FGF12: variants seen among roughly 807,000 people sequenced by gnomAD.
FGF12 encodes fibroblast growth factor 12.
Under a neutral mutation model 23.6 loss-of-function variants are expected in FGF12, and 14 were observed. That is an observed-to-expected ratio of 0.59 (90% CI 0.39 to 0.93). The LOEUF is 0.93. Among genes scored for constraint, FGF12 ranks in the 40% least tolerant of loss-of-function variants. The probability of loss-of-function intolerance (pLI) is 0.00; values close to 1 mark genes in which losing one functional copy is unlikely to be tolerated. For synonymous variants in FGF12, 62 were observed against 77.3 expected, an observed-to-expected ratio of 0.80 and a Z score of 1.04; for missense variants, 175 against 217.8, an observed-to-expected ratio of 0.80 and a Z score of 1.24.
chr3:192,188,688 T>G lies in FGF12; in HGVS notation c.229-18032A>C, dbSNP rs909375777. Among the ~76,000 whole-genome samples the G allele has an allele frequency of 3.9e-5, 6 of 152,230 alleles. No homozygotes were observed. The South Asian group carries it at 8.3e-4, about 21-fold the overall frequency. ...AGACACTGAGTTTCAATTTTGCCTG[T>G]GCCATTTATTAGTTGAATGAAAAGC... On this transcript the variant is annotated intron_variant, in intron 4 of 5. Coordinates refer to ENST00000445105, the MANE Select transcript of FGF12 (RefSeq NM_004113.6).
intron 2 of FGF12, among the ~76,000 whole-genome samples, chr3:192,481,390 A>C (rs184046528): frequency 3.3e-5 from 5 of 152,278 alleles, no homozygotes; most frequent in Admixed American, 2.0e-4. Flanking sequence ...TTCAGATTCC[A>C]TTGGGTAGCA....
chr3:192,586,729 G>C (rs768443218), intron 2 of FGF12, among the ~76,000 whole-genome samples: 15 of 152,146 alleles, frequency 9.9e-5, no homozygotes, highest in Non-Finnish European at 1.6e-4. Context: ...TTTGTAGAGA[G>C]GCTTTAGTAA....
chr3:192,566,497 G>T (rs1018708216), intron 2 of FGF12, among the ~76,000 whole-genome samples: 2 of 152,186 alleles, frequency 1.3e-5, no homozygotes, highest in African/African-American at 4.8e-5. Context: ...AAGACTTGGA[G>T]ACTACCTGTG....
chr3:192,527,777 A>C (rs913084992), intron 2 of FGF12, among the ~76,000 whole-genome samples: 1 of 152,228 alleles, frequency 6.6e-6, no homozygotes, highest in African/African-American at 2.4e-5. Flanking sequence ...AATGACTTAT[A>C]GTTCCACGTG....
At chr3:192,401,470 C>T (rs959168186) in intron 2 of FGF12, among the ~76,000 whole-genome samples, 11 of 152,232 alleles carry the variant, frequency 7.2e-5, no homozygotes, top group East Asian at 1.9e-4. Flanking sequence ...TCGTTTTGAC[C>T]TTCTGGATCC....
Position 192,161,048 on chromosome 3 carries a change from C to G in FGF12, c.427+9410G>C, listed in dbSNP as rs147456403. 6.6e-3 allele frequency among the ~76,000 whole-genome samples: 1,006 copies of G among 151,920 alleles called. 4 individuals are homozygous for G. The highest frequency in any genetic ancestry group is 0.034 in the Middle Eastern group (10 of 294). On this transcript the variant is annotated intron_variant, in intron 5 of 5. Transcript: ENST00000445105. ...AAAATCAATGAAACAGAAAATAAAC[C>G]AAGAAAGCTGACGACCACCCTTACC... is the stretch of plus-strand genomic sequence containing the variant.
intron 2 of FGF12, among the ~76,000 whole-genome samples, chr3:192,410,816 G>T (rs1375853088): frequency 6.6e-6 from 1 of 152,118 alleles, no homozygotes; most frequent in Non-Finnish European, 1.5e-5. Flanking sequence ...ATGCAATCAG[G>T]TCTCCAGACG....
chr3:192,263,460 G>A (rs1326730381), intron 4 of FGF12, among the ~76,000 whole-genome samples: 1 of 151,320 alleles, frequency 6.6e-6, no homozygotes. Flanking sequence ...ATTACAATTT[G>A]AGAAGTGCTA....
At chr3:192,305,215 G>A (rs1715557380) in intron 4 of FGF12, among the ~76,000 whole-genome samples, 1 of 151,996 alleles carries the variant, frequency 6.6e-6, no homozygotes, top group African/African-American at 2.4e-5. Context: ...GTATAACACT[G>A]TTTCTCATTG....
At chr3:192,162,835 T>C (rs1164301750) in intron 5 of FGF12, among the ~76,000 whole-genome samples, 1 of 152,112 alleles carries the variant, frequency 6.6e-6, no homozygotes, top group Non-Finnish European at 1.5e-5. Context: ...TTTGAAGGGA[T>C]TGTTATTTTC....
At chr3:192,353,886 A>T (rs1432705548) in intron 3 of FGF12, among the ~76,000 whole-genome samples, 1 of 152,204 alleles carries the variant, frequency 6.6e-6, no homozygotes, top group Admixed American at 6.5e-5. Flanking sequence ...ATTTCTAACA[A>T]ATTTAGAACA....
chr3:192,509,081 T>C (rs2108838353), intron 2 of FGF12, among the ~76,000 whole-genome samples: 1 of 152,214 alleles, frequency 6.6e-6, no homozygotes, highest in South Asian at 2.1e-4. Context: ...TTTGCTAAAT[T>C]GGAAAATGGC....
At chr3:192,578,034 G>A (rs528544768) in intron 2 of FGF12, among the ~76,000 whole-genome samples, 1 of 152,116 alleles carries the variant, frequency 6.6e-6, no homozygotes, top group Admixed American at 6.5e-5. Flanking sequence ...CGGGGGGCAG[G>A]GTATCTAAAA....
chr3:192,167,770 A>ATATATATATATATAT (rs1421281367), intron 5 of FGF12, among the ~76,000 whole-genome samples: 12 of 9,108 alleles, frequency 1.3e-3, no homozygotes, highest in Non-Finnish European at 1.4e-3. Context: ...TATATATATA[A>ATATATATATATATAT]AATTTTTTTT....
At chr3:192,226,642 AT>A (rs1718750694) in intron 4 of FGF12, among the ~76,000 whole-genome samples, 1 of 152,160 alleles carries the variant, frequency 6.6e-6, no homozygotes, top group African/African-American at 2.4e-5. Flanking sequence ...TTGCAAGGTG[AT>A]TAGGTCATGA....
intron 2 of FGF12, among the ~76,000 whole-genome samples, chr3:192,608,069 G>A (rs1033423653): frequency 6.6e-6 from 1 of 152,006 alleles, no homozygotes; most frequent in Non-Finnish European, 1.5e-5. Flanking sequence ...GCATGCTCTC[G>A]CTTATTTGTG....
At chr3:192,242,663 A>T (rs10470541) in intron 4 of FGF12, among the ~76,000 whole-genome samples, 60,207 of 151,882 alleles carry the variant, frequency 0.4, 13,153 homozygotes, top group East Asian at 0.89. Flanking sequence ...TAGAAAATGT[A>T]ATATATGAAT....
At chr3:192,422,831 T>G (rs1721574788) in intron 2 of FGF12, among the ~76,000 whole-genome samples, 1 of 152,182 alleles carries the variant, frequency 6.6e-6, no homozygotes, top group South Asian at 2.1e-4. Context: ...ATTTCAGTTA[T>G]GTGGTCCCAG....
intron 2 of FGF12, among the ~76,000 whole-genome samples, chr3:192,538,060 C>T (rs112181190): frequency 0.15 from 22,280 of 151,112 alleles, 2,033 homozygotes; most frequent in East Asian, 0.29. Context: ...GATTCTCCTG[C>T]CTCAGCCTCC....
Sources: allele counts gnomAD v4.1 joint callset (sites outside exome capture counted in the v4.1 genomes callset), GRCh38; gene constraint gnomAD v4.1.1; transcripts MANE v1.5; gene names NCBI Gene and HGNC (gene_info 2026-07-23, HGNC 2026-07-21).